KITLG: variants seen among roughly 807,000 people sequenced by gnomAD.
KITLG encodes c-Kit ligand.
In KITLG, 13 loss-of-function variants were observed where a neutral mutation model predicts 34.1. The observed-to-expected ratio is 0.38, with a 90% CI of 0.25 to 0.61. The LOEUF (loss-of-function observed/expected upper bound fraction) is 0.61. Among genes scored for constraint, KITLG ranks in the 20% least tolerant of loss-of-function variants. KITLG has a pLI of 0.60. For missense variants in KITLG, 292 were observed against 318.9 expected (o/e 0.92, Z 0.64); for synonymous variants, 110 against 104.0 (o/e 1.06, Z -0.35).
intron 9 of KITLG, among the ~76,000 whole-genome samples, chr12:88,501,442 C>G (rs1029477104): frequency 6.6e-6 from 1 of 152,028 alleles, no homozygotes; most frequent in South Asian, 2.1e-4. Flanking sequence ...GCATTTTTTA[C>G]TACGGTTATT....
At chr12:88,580,141 C>T (rs1271730145) in intron 1 of KITLG, 123 bp downstream of exon 1, 8 of 1,066,838 alleles carry the variant, frequency 7.5e-6, no homozygotes, top group East Asian at 2.6e-5. Flanking sequence ...ATCCTCTTGT[C>T]TCACCCGGCA....
intron 9 of KITLG, among the ~76,000 whole-genome samples, chr12:88,498,956 C>T (rs557729821): frequency 4.0e-4 from 61 of 152,212 alleles, no homozygotes; most frequent in African/African-American, 1.4e-3. Flanking sequence ...TTTTTGTCCC[C>T]GGGTCACTTA....
intron 6 of KITLG, among the ~76,000 whole-genome samples, chr12:88,509,925 T>C (rs552279992): frequency 2.9e-4 from 44 of 152,168 alleles, no homozygotes; most frequent in African/African-American, 9.6e-4. Context: ...TGAAGGGTAT[T>C]TGGGGACAAA....
At chr12:88,568,193 G>T (rs1045057807) in intron 1 of KITLG, among the ~76,000 whole-genome samples, 1 of 152,124 alleles carries the variant, frequency 6.6e-6, no homozygotes, top group Non-Finnish European at 1.5e-5. Context: ...ATACTGATGT[G>T]TCTGCTGGCA....
intron 1 of KITLG, among the ~76,000 whole-genome samples, chr12:88,550,763 TAGC>T (rs1296249166): frequency 2.0e-5 from 3 of 152,186 alleles, no homozygotes; most frequent in Non-Finnish European, 4.4e-5. Context: ...TGTGATGCGA[TAGC>T]AGATCTCTAA....
At chr12:88,571,818 T>C (rs1365959626) in intron 1 of KITLG, among the ~76,000 whole-genome samples, 2 of 152,148 alleles carry the variant, frequency 1.3e-5, no homozygotes, top group African/African-American at 2.4e-5. Flanking sequence ...ATGCATATCT[T>C]TGAGGTATTA....
chr12:88,510,892 T>G (rs1869251882), intron 6 of KITLG, among the ~76,000 whole-genome samples: 1 of 152,184 alleles, frequency 6.6e-6, no homozygotes, highest in Non-Finnish European at 1.5e-5. Flanking sequence ...TAAAAACATT[T>G]GCATAATTCT....
rs527662296 is a variant in KITLG at position 88,507,270 on chromosome 12, A to G, written c.605-133T>C. ...TCTGTTTAAAGTATTCAAAAGATTGATTTTTCTGCTGAATATTGCTTTTGC... is the reference window on the plus strand; with the variant it reads ...TCTGTTTAAAGTATTCAAAAGATTGGTTTTTCTGCTGAATATTGCTTTTGC... On this transcript the variant is annotated intron_variant, in intron 6 of 9. Coordinates refer to ENST00000644744, the MANE Select transcript of KITLG (RefSeq NM_000899.5). The G allele has an allele frequency of 1.8e-3, 1,125 of 639,992 alleles. 21 individuals carry two copies. The South Asian group carries it at 0.019, about 11-fold the overall frequency. 39.6% of individuals were successfully genotyped at this position (639,992 alleles called of 1,614,324 possible).
At chr12:88,536,167 A>G (rs1343554941) in intron 2 of KITLG, among the ~76,000 whole-genome samples, 1 of 152,194 alleles carries the variant, frequency 6.6e-6, no homozygotes, top group African/African-American at 2.4e-5. Flanking sequence ...CAAAGATCTA[A>G]TATCCAGAAT....
At chr12:88,574,471 C>G (rs748313386) in intron 1 of KITLG, among the ~76,000 whole-genome samples, 10 of 152,126 alleles carry the variant, frequency 6.6e-5, no homozygotes, top group Non-Finnish European at 1.3e-4. Context: ...CCCTGAGGCT[C>G]CCTCCTCTTT....
chr12:88,559,221 T>A (rs41303031), intron 1 of KITLG, among the ~76,000 whole-genome samples: 9 of 152,322 alleles, frequency 5.9e-5, no homozygotes, highest in Non-Finnish European at 1.2e-4. Flanking sequence ...TCAGACGCCC[T>A]TTAAGTTATC....
intron 6 of KITLG, among the ~76,000 whole-genome samples, chr12:88,508,166 A>G (rs1044322077): frequency 6.6e-6 from 1 of 152,006 alleles, no homozygotes; most frequent in African/African-American, 2.4e-5. Flanking sequence ...CAGCCTGGGC[A>G]ACAGAGCAAG....
At chr12:88,519,047 A>C (rs757443306) in intron 3 of KITLG, among the ~76,000 whole-genome samples, 180 bp from the exon 4 acceptor site, 9 of 152,112 alleles carry the variant, frequency 5.9e-5, no homozygotes, top group Non-Finnish European at 1.2e-4. Flanking sequence ...TTTTTAGTAG[A>C]GAGGAAGTTT....
intron 6 of KITLG, among the ~76,000 whole-genome samples, chr12:88,513,506 C>T (rs1241771989): frequency 1.3e-5 from 2 of 151,460 alleles, no homozygotes; most frequent in African/African-American, 4.8e-5. Flanking sequence ...ATAGTGAAGC[C>T]CAAGTGTATG....
chr12:88,569,868 G>GATATTAATGCAGAAAATATTTTTTTTA (rs1555258089), intron 1 of KITLG, among the ~76,000 whole-genome samples: 4 of 152,014 alleles, frequency 2.6e-5, no homozygotes, highest in Non-Finnish European at 4.4e-5. Context: ...AAAATCTTGC[G>GATATTAATGCAGAAAATATTTTTTTTA]ATATTAATGC....
intron 4 of KITLG, 118 bp from the exon 5 acceptor site, chr12:88,516,608 A>C: frequency 1.6e-6 from 1 of 634,980 alleles, no homozygotes; most frequent in South Asian, 2.0e-5. Context: ...TACAACTAGC[A>C]CTTTTAGATG....
intron 1 of KITLG, among the ~76,000 whole-genome samples, chr12:88,568,791 C>T (rs1425767689): frequency 6.6e-6 from 1 of 151,554 alleles, no homozygotes; most frequent in Admixed American, 6.6e-5. Flanking sequence ...AGGTATATAA[C>T]ATTATTTCCA....
intron 9 of KITLG, among the ~76,000 whole-genome samples, chr12:88,497,596 A>C (rs1868690799): frequency 6.6e-6 from 1 of 152,204 alleles, no homozygotes; most frequent in Non-Finnish European, 1.5e-5. Context: ...GTGATAATAT[A>C]ATTATCAACT....
intron 2 of KITLG, chr12:88,534,731 T>C: frequency 1.9e-6 from 1 of 513,212 alleles, no homozygotes; most frequent in Non-Finnish European, 3.9e-6. Context: ...TCATTTATTT[T>C]TGGCGTTAAC....
Sources: gnomAD v4.1 joint callset for allele counts (sites outside exome capture counted in the v4.1 genomes callset) on GRCh38, gnomAD v4.1.1 for gene constraint, MANE v1.5 for transcripts, NCBI Gene and HGNC (gene_info 2026-07-23, HGNC 2026-07-21) for gene names.